SLC26A5: variants seen among roughly 807,000 people sequenced by gnomAD.
The protein encoded by SLC26A5 is prestin.
A neutral mutation model predicts 81.0 loss-of-function variants in SLC26A5; 51 were observed. The observed-to-expected ratio is 0.63, with a 90% CI of 0.50 to 0.80. SLC26A5 has a LOEUF of 0.80. Among genes scored for constraint, SLC26A5 ranks in the 30% least tolerant of loss-of-function variants. SLC26A5 has a pLI of 0.00. For missense variants in SLC26A5, 771 were observed against 905.8 expected (o/e 0.85, Z 1.91); for synonymous variants, 325 against 332.8 (o/e 0.98, Z 0.25).
intron 7 of SLC26A5, among the ~76,000 whole-genome samples, chr7:103,409,871 C>T (rs1002301042): frequency 1.3e-5 from 2 of 152,054 alleles, no homozygotes; most frequent in Non-Finnish European, 2.9e-5. Context: ...CCACACCTGG[C>T]TAATTTTTTT....
chr7:103,355,587 C>T, intron 19 of SLC26A5: 1 of 819,094 alleles, frequency 1.2e-6, no homozygotes, highest in Non-Finnish European at 2.0e-6. Flanking sequence ...TGATAGTCCT[C>T]ACAATGAATG....
At chr7:103,368,624 A>G (rs1467467910) in intron 19 of SLC26A5, 1 of 152,162 alleles carries the variant, frequency 6.6e-6, no homozygotes, top group Admixed American at 6.5e-5. Flanking sequence ...GAAACATTGG[A>G]TGTATATGTT....
In SLC26A5 at chr7:103,389,044, A is replaced by G; in HGVS notation, c.1478T>C (p.Ile493Thr). Residue 493 changes from isoleucine to threonine, a missense_variant, in exon 14 of 20, where the codon ATC (isoleucine) becomes ACC (threonine). Physicochemically the swap from Ile to Thr is moderately conservative, Grantham distance 89. Coordinates refer to ENST00000306312, the MANE Select transcript of SLC26A5 (RefSeq NM_198999.3). ...GTAAATCACAGTCAGCAGAGCAATG[A>G]TCACAGCAGTGATCAAACCATAGTC... ...GLDYGLITAV[I>T]IALLTVIYRT... 8.7e-6 allele frequency: 14 copies of G among 1,613,774 alleles called. No individual in the cohort carries two copies. Among genetic ancestry groups the G allele is most frequent in the Non-Finnish European group, 1.2e-5 (14 of 1,179,786 alleles).
At chr7:103,401,406 T>C (rs1389575510) in intron 8 of SLC26A5, among the ~76,000 whole-genome samples, 1 of 152,240 alleles carries the variant, frequency 6.6e-6, no homozygotes, top group African/African-American at 2.4e-5. Context: ...TTTTGCACAT[T>C]GATTTTGTAT....
chr7:103,421,406 T>C lies in SLC26A5; in HGVS notation c.109A>G (p.Lys37Glu), dbSNP rs745860023. ...VLQERLHTKD[K>E]VPDSIADKLK... The stretch of plus-strand genomic sequence containing the variant: ...TTATCCGCAATGGAATCAGGAACCT[T>C]GTCCTTTGTGTGTAGTCTTTCCTGG... The change falls in exon 3 of 20, where the codon AAG becomes GAG. Residue 37 changes from lysine to glutamate, a missense_variant. Lys to Glu is a moderately conservative substitution (Grantham distance 56). Coordinates refer to ENST00000306312, the MANE Select transcript of SLC26A5 (RefSeq NM_198999.3). 1.9e-6 allele frequency: 3 copies of C among 1,614,006 alleles called. No homozygotes were observed. In the South Asian group the frequency reaches 3.3e-5, roughly 18 times the overall value.
At chr7:103,378,395 G>A (rs1397587037) in intron 17 of SLC26A5, 51 bp downstream of exon 17, 1 of 1,521,568 alleles carries the variant, frequency 6.6e-7, no homozygotes, top group Non-Finnish European at 9.1e-7. Context: ...AAAGATGGAG[G>A]GCATTGCAGA....
intron 19 of SLC26A5, among the ~76,000 whole-genome samples, chr7:103,375,841 C>T (rs746684585): frequency 1.2e-4 from 19 of 152,018 alleles, no homozygotes; most frequent in Admixed American, 7.2e-4. Flanking sequence ...CTGCAACCTC[C>T]GCCTCCTGGG....
intron 4 of SLC26A5, among the ~76,000 whole-genome samples, chr7:103,414,609 T>C (rs1824766899): frequency 1.3e-5 from 2 of 152,200 alleles, no homozygotes; most frequent in Admixed American, 1.3e-4. Flanking sequence ...GCTCATTCCT[T>C]TTTAATATTG....
At chr7:103,417,629 T>C (rs184068151) in intron 4 of SLC26A5, among the ~76,000 whole-genome samples, 1 of 152,306 alleles carries the variant, frequency 6.6e-6, no homozygotes, top group East Asian at 1.9e-4. Flanking sequence ...CTCTAGCCCC[T>C]ACCTCTCTTT....
chr7:103,381,821 A>G (rs554130983), intron 14 of SLC26A5, among the ~76,000 whole-genome samples: 196 of 151,378 alleles, frequency 1.3e-3, no homozygotes, highest in South Asian at 2.3e-3. Flanking sequence ...CATCCAAGAC[A>G]CAATACACAC....
intron 14 of SLC26A5, among the ~76,000 whole-genome samples, chr7:103,381,280 C>T (rs966979042): frequency 1.3e-5 from 2 of 151,474 alleles, no homozygotes; most frequent in African/African-American, 4.9e-5. Context: ...ACATACCACA[C>T]ACACATACAC....
Position 103,389,074 on chromosome 7 carries a change from C to T in SLC26A5, c.1448G>A (p.Gly483Glu). 1 of 1,613,832 alleles carries T rather than the reference C, an allele frequency of 6.2e-7. No homozygotes were observed. Residue 483 changes from glycine to glutamate, a missense_variant, in exon 14 of 20, where the codon GGA becomes GAA. Physicochemically the swap from Gly to Glu is moderately conservative, Grantham distance 98 (BLOSUM62 -2). Transcript: ENST00000306312. ...LTTFVSSLFLGLDYGLITAVI... is the reference protein window; with the variant it reads ...LTTFVSSLFLELDYGLITAVI... ...AGCAGTGATCAAACCATAGTCCAAT[C>T]CCAGGAACAAGGAGGACACAAAAGT...
chr7:103,420,695 G>A lies in SLC26A5; in HGVS notation c.292+43C>T, dbSNP rs774165562. On this transcript the variant is annotated intron_variant, in intron 4 of 19. Transcript: ENST00000306312. The stretch of plus-strand genomic sequence containing the variant: ...GAAATAAACAGAAGGTCAAGCAATT[G>A]TTTGAGGACAGCAAGGGGGGAAAGA... The A allele has an allele frequency of 1.9e-6, 3 of 1,611,978 alleles. No homozygotes were observed. In the African/African-American group the frequency reaches 4.0e-5, roughly 22 times the overall value.
chr7:103,373,316 G>A (rs1200975404), downstream of SLC26A5, among the ~76,000 whole-genome samples: 4 of 152,122 alleles, frequency 2.6e-5, no homozygotes, highest in Non-Finnish European at 4.4e-5. Context: ...TAGATATTAC[G>A]TTTTCTGAAG....
Position 103,411,542 on chromosome 7 carries a change from G to T in SLC26A5, c.448C>A (p.Arg150=). The change falls in exon 6 of 20, where the codon CGA becomes AGA. Residue 150 remains arginine (R), a synonymous_variant. Coordinates refer to ENST00000306312, the MANE Select transcript of SLC26A5 (RefSeq NM_198999.3). ...ISLMIGGVAV[R]LVPDDIVIPG... is the part of the protein sequence containing the mutation. ...ATGACTATATCATCTGGTACTAATC[G>T]AACAGCTACACCACCAATCATCAGG... 1 of 1,614,046 alleles carries T rather than the reference G, an allele frequency of 6.2e-7. No homozygotes were observed. The highest frequency in any genetic ancestry group is 8.5e-7 in the Non-Finnish European group (1 of 1,179,998).
chr7:103,391,781 A>AG (rs1822679599), intron 10 of SLC26A5, 46 bp from the exon 11 acceptor site: 1 of 1,482,500 alleles, frequency 6.7e-7, no homozygotes, highest in South Asian at 1.2e-5. Context: ...GTCATTCTTC[A>AG]GGAAAAAAAA....
In SLC26A5 at chr7:103,421,246, T is replaced by C. The variant is rs895740364; in HGVS notation, c.152+117A>G. 1.8e-5 allele frequency: 21 copies of C among 1,154,190 alleles called. No individual in the cohort carries two copies. The African/African-American group carries it at 3.1e-4, about 17-fold the overall frequency. The allele number at this position is 1,154,190 out of a possible 1,614,324, so 71.5% of individuals were successfully genotyped here. On this transcript the variant is annotated intron_variant, in intron 3 of 19. Coordinates refer to ENST00000306312, the MANE Select transcript of SLC26A5 (RefSeq NM_198999.3). The stretch of plus-strand genomic sequence containing the variant: ...TCGTGAACAGCTTTGCAAACCATGA[T>C]GGCTCAGCATTCATTTTTCTCTCCA...
intron 2 of SLC26A5, among the ~76,000 whole-genome samples, chr7:103,435,780 T>C (rs1826407679): frequency 6.6e-6 from 1 of 152,198 alleles, no homozygotes. Flanking sequence ...TACAAATTCT[T>C]GGTTCTGTTT....
At chr7:103,370,010 C>T (rs369889290), downstream of SLC26A5, among the ~76,000 whole-genome samples, 1 of 152,132 alleles carries the variant, frequency 6.6e-6, no homozygotes, top group Non-Finnish European at 1.5e-5. Flanking sequence ...TAAGCAGGCA[C>T]GTTACCTGGT....
Sources: allele counts gnomAD v4.1 joint callset (sites outside exome capture counted in the v4.1 genomes callset), GRCh38; gene constraint gnomAD v4.1.1; transcripts MANE v1.5; gene names NCBI Gene and HGNC (gene_info 2026-07-23, HGNC 2026-07-21).